The following RBFOX1 variants were observed in gnomAD, a reference collection of about 807,000 sequenced individuals.
RBFOX1 encodes the protein RNA binding protein fox-1 homolog 1.
Under a neutral mutation model 57.7 loss-of-function variants are expected in RBFOX1, and 8 were observed. The observed-to-expected ratio is 0.14, with a 90% CI of 0.08 to 0.25. The LOEUF is 0.25. Ranked by LOEUF, RBFOX1 falls within the 10% of genes least tolerant of loss-of-function variation. RBFOX1 has a pLI of 1.00. For missense variants in RBFOX1, 611 were observed against 548.5 expected (o/e 1.11, Z -1.14); for synonymous variants, 326 against 222.4 (o/e 1.47, Z -4.15).
intron 4 of RBFOX1, among the ~76,000 whole-genome samples, chr16:7,267,789 G>A (rs922418418): frequency 1.3e-5 from 2 of 152,114 alleles, no homozygotes; most frequent in Admixed American, 6.5e-5. Context: ...CTGGGAGGCG[G>A]AGGCTGCAGT....
chr16:7,002,299 C>A (rs967106395), intron 3 of RBFOX1, among the ~76,000 whole-genome samples: 3 of 152,212 alleles, frequency 2.0e-5, no homozygotes, highest in Non-Finnish European at 4.4e-5. Flanking sequence ...TGAGCCAGTG[C>A]ATTTTCTTGT....
chr16:6,934,756 C>G (rs983475710), intron 3 of RBFOX1, among the ~76,000 whole-genome samples: 2 of 151,966 alleles, frequency 1.3e-5, no homozygotes, highest in African/African-American at 4.8e-5. Flanking sequence ...TGGAGGATCT[C>G]AGAGGGAAAG....
chr16:6,983,375 A>C (rs976919504), intron 3 of RBFOX1, among the ~76,000 whole-genome samples: 4 of 152,008 alleles, frequency 2.6e-5, no homozygotes, highest in African/African-American at 9.7e-5. Flanking sequence ...TGGTCTTTGA[A>C]AAAGCTAGGG....
At chr16:7,085,558 T>C (rs1238836843) in intron 4 of RBFOX1, among the ~76,000 whole-genome samples, 4 of 152,112 alleles carry the variant, frequency 2.6e-5, no homozygotes, top group Non-Finnish European at 5.9e-5. Context: ...ACGTGTTCAG[T>C]AGAATATTTG....
At chr16:6,920,941 G>A (rs2074322744) in intron 3 of RBFOX1, among the ~76,000 whole-genome samples, 1 of 152,116 alleles carries the variant, frequency 6.6e-6, no homozygotes, top group Non-Finnish European at 1.5e-5. Flanking sequence ...ACACTATCTG[G>A]CTAGTCTGTA....
chr16:7,197,601 G>A (rs80201193), intron 4 of RBFOX1, among the ~76,000 whole-genome samples: 1,721 of 152,136 alleles, frequency 0.011, 36 homozygotes, highest in African/African-American at 0.039. Flanking sequence ...TTGAAAACAA[G>A]TACTCAAACA....
At chr16:6,629,930 TA>T (rs2098362073) in intron 2 of RBFOX1, among the ~76,000 whole-genome samples, 1 of 150,626 alleles carries the variant, frequency 6.6e-6, no homozygotes, top group Non-Finnish European at 1.5e-5. Flanking sequence ...ACATAAATGC[TA>T]ATTTTACATT....
chr16:5,514,317 C>T (rs1422367894), intron 2 of RBFOX1, among the ~76,000 whole-genome samples: 2 of 152,174 alleles, frequency 1.3e-5, no homozygotes, highest in Non-Finnish European at 2.9e-5. Context: ...CTGGGACAGA[C>T]AGGCTCGTCT....
At chr16:7,158,097 C>T (rs911839975) in intron 4 of RBFOX1, among the ~76,000 whole-genome samples, 1 of 152,060 alleles carries the variant, frequency 6.6e-6, no homozygotes, top group Non-Finnish European at 1.5e-5. Flanking sequence ...GCCTGTAATT[C>T]CAGCATTTTG....
chr16:5,649,109 A>G (rs1475745693), intron 3 of RBFOX1, among the ~76,000 whole-genome samples: 2 of 151,854 alleles, frequency 1.3e-5, no homozygotes, highest in Non-Finnish European at 2.9e-5. Flanking sequence ...AAAAGCGATT[A>G]TATATATATA....
At chr16:6,246,497 C>G (rs899040511) in intron 1 of RBFOX1, among the ~76,000 whole-genome samples, 2 of 152,132 alleles carry the variant, frequency 1.3e-5, no homozygotes, top group Non-Finnish European at 2.9e-5. Flanking sequence ...GCTTTGAGCT[C>G]ACCCATCACC....
At chr16:7,022,086 A>G (rs991304694) in intron 3 of RBFOX1, among the ~76,000 whole-genome samples, 5 of 102,242 alleles carry the variant, frequency 4.9e-5, no homozygotes, top group Non-Finnish European at 9.8e-5. Context: ...TCCTTTCCAC[A>G]GGGTCTCACT....
intron 2 of RBFOX1, among the ~76,000 whole-genome samples, chr16:6,516,972 G>A (rs901860463): frequency 7.9e-5 from 12 of 152,164 alleles, no homozygotes; most frequent in African/African-American, 2.9e-4. Context: ...CAGAGATAAA[G>A]TATGAGGCTA....
intron 1 of RBFOX1, among the ~76,000 whole-genome samples, chr16:6,287,120 G>A (rs1380385171): frequency 2.0e-5 from 3 of 152,038 alleles, no homozygotes; most frequent in Non-Finnish European, 4.4e-5. Context: ...TCACCCAAGG[G>A]TATTCAGAGT....
chr16:6,367,947 A>G (rs17140005), intron 2 of RBFOX1, among the ~76,000 whole-genome samples: 3,248 of 152,232 alleles, frequency 0.021, 133 homozygotes, highest in African/African-American at 0.074. Flanking sequence ...GTAGTTTAGG[A>G]CAATCCAATG....
intron 1 of RBFOX1, among the ~76,000 whole-genome samples, chr16:6,244,336 A>T (rs62015138): frequency 0.12 from 18,460 of 152,068 alleles, 1,206 homozygotes; most frequent in Middle Eastern, 0.25. Context: ...CCAGCCTTCA[A>T]ATCTCAGTGT....
At chr16:7,282,116 G>C (rs1603483367) in intron 4 of RBFOX1, among the ~76,000 whole-genome samples, 3 of 152,056 alleles carry the variant, frequency 2.0e-5, no homozygotes, top group Non-Finnish European at 2.9e-5. Flanking sequence ...ACCCACTTCA[G>C]CCTCCCAGAG....
intron 3 of RBFOX1, chr16:6,773,989 C>T: frequency 7.1e-6 from 7 of 985,302 alleles, no homozygotes; most frequent in Non-Finnish European, 8.4e-6. Flanking sequence ...TCAACTGAAC[C>T]TGTAATTAGC....
At chr16:5,332,563 C>T (rs2151277152) in intron 1 of RBFOX1, among the ~76,000 whole-genome samples, 1 of 151,908 alleles carries the variant, frequency 6.6e-6, no homozygotes, top group East Asian at 1.9e-4. Flanking sequence ...TGCACTCGGC[C>T]AAGGGGACTT....
Sources: allele counts gnomAD v4.1 joint callset (sites outside exome capture counted in the v4.1 genomes callset), GRCh38; gene constraint gnomAD v4.1.1; transcripts MANE v1.5; gene names NCBI Gene and HGNC (gene_info 2026-07-23, HGNC 2026-07-21).